ZNF250: variants seen among roughly 807,000 people sequenced by gnomAD.
ZNF250 encodes the protein zinc finger protein (clone 647).
ZNF250 carries 13 observed loss-of-function variants against 37.1 expected under a neutral mutation model. That is an observed-to-expected ratio of 0.35 (90% CI 0.23 to 0.56). The LOEUF is 0.56. ZNF250 is among the 20% of genes least tolerant of loss of function. The pLI, the probability that ZNF250 is intolerant of heterozygous loss-of-function variation, is 0.87. For missense variants in ZNF250, 474 were observed against 697.9 expected (o/e 0.68, Z 3.61); for synonymous variants, 251 against 265.6 (o/e 0.94, Z 0.54).
Position 144,880,058 on chromosome 8 carries a change from C to T in ZNF250, c.*1457G>A, listed in dbSNP as rs1232205632. 2 of 129,894 alleles carry T rather than the reference C, an allele frequency of 1.5e-5. No homozygotes were observed. Among genetic ancestry groups the T allele is most frequent in the Non-Finnish European group, 3.1e-5 (2 of 65,448 alleles). 8.0% of individuals were successfully genotyped at this position (129,894 alleles called of 1,614,324 possible). A position where few individuals can be genotyped will look rare whatever the true frequency, so the allele number is the denominator to read the frequency against. On this transcript the variant is annotated 3_prime_UTR_variant, in exon 6 of 6. Transcript: ENST00000417550. ...TTCAGCCTGGGGAACAAGAGCAAGA[C>T]TTTGTCTCAAAAAAAAAAAAAAAAG...
In ZNF250 at chr8:144,880,377, C is replaced by T. The variant is rs556509954; in HGVS notation, c.*1138G>A. ...AAGAGGTACCCACTTGGTGTAACAG[C>T]TATGAGGTCTGCTGAGTGTGAAGCT... On this transcript the variant is annotated 3_prime_UTR_variant, in exon 6 of 6. Transcript: ENST00000417550. 6 of 456,496 alleles carry T rather than the reference C, an allele frequency of 1.3e-5. No individual in the cohort carries two copies. Among genetic ancestry groups the T allele is most frequent in the African/African-American group, 6.0e-5 (3 of 50,186 alleles). The allele number at this position is 456,496 out of a possible 1,614,324, so 28.3% of individuals were successfully genotyped here.
chr8:144,896,998 A>G (rs961427612), intron 1 of ZNF250, among the ~76,000 whole-genome samples: 1 of 152,238 alleles, frequency 6.6e-6, no homozygotes, highest in Non-Finnish European at 1.5e-5. Flanking sequence ...CAAAAACAAT[A>G]GATCAACGTT....
intron 5 of ZNF250, among the ~76,000 whole-genome samples, chr8:144,885,372 C>T (rs146503315): frequency 0.038 from 5,797 of 152,278 alleles, 164 homozygotes; most frequent in Non-Finnish European, 0.062. Flanking sequence ...CCATCTGCCT[C>T]GGCCTCCCAA....
At position 144,901,268 on chromosome 8, in the gene ZNF250, G is replaced by C. The variant is rs1181615185; in HGVS notation, c.-55+131C>G. ...CCGCCGCGCGTCCGTGAGGGGAGGGGACCAGCGTAAACGCAGGAGGCAGTG... is the reference window on the plus strand; with the variant it reads ...CCGCCGCGCGTCCGTGAGGGGAGGGCACCAGCGTAAACGCAGGAGGCAGTG... On this transcript the variant is annotated intron_variant, in intron 1 of 5. Transcript: ENST00000417550. The surrounding 1 kb of genome is among the most constrained non-coding windows in gnomAD (Gnocchi z 5.4). 6.6e-6 allele frequency: 1 copy of C among 152,482 alleles called. No individual in the cohort carries two copies. 9.4% of individuals were successfully genotyped at this position (152,482 alleles called of 1,614,324 possible).
At chr8:144,898,252 G>A (rs902920034) in intron 1 of ZNF250, among the ~76,000 whole-genome samples, 20 of 151,920 alleles carry the variant, frequency 1.3e-4, no homozygotes, top group African/African-American at 4.6e-4. Context: ...AGCCAAGATC[G>A]CGCCATTGCA....
chr8:144,896,409 G>C (rs1418367342), intron 1 of ZNF250, among the ~76,000 whole-genome samples: 1 of 151,900 alleles, frequency 6.6e-6, no homozygotes, highest in Non-Finnish European at 1.5e-5. Flanking sequence ...TTTTAAAAGT[G>C]GTATTAACTA....
chr8:144,893,565 A>G (rs1202247748), intron 1 of ZNF250, among the ~76,000 whole-genome samples: 1 of 152,126 alleles, frequency 6.6e-6, no homozygotes, highest in Non-Finnish European at 1.5e-5. Flanking sequence ...CCCTGAGCTC[A>G]AGTGATATGC....
In ZNF250 at chr8:144,882,214, G is replaced by A. The variant is rs1287039236; in HGVS notation, c.969C>T (p.Ser323=). The A allele has an allele frequency of 2.5e-6, 4 of 1,613,950 alleles. No individual in the cohort carries two copies. In the Admixed American group the frequency reaches 6.7e-5, roughly 27 times the overall value. ...KAFNHSTVLR[S]HQRVHTGEKP... ...TCTCCCCAGTGTGTACCCTCTGGTGGCTCCGCAGAACAGTGCTATGGTTGA... is the reference window on the plus strand; with the variant it reads ...TCTCCCCAGTGTGTACCCTCTGGTGACTCCGCAGAACAGTGCTATGGTTGA... The change falls in exon 6 of 6, where the codon AGC becomes AGT. Residue 323 remains serine, a synonymous_variant. Coordinates refer to ENST00000417550, the MANE Select transcript of ZNF250 (RefSeq NM_001109689.4). The surrounding 1 kb of genome is among the most constrained non-coding windows in gnomAD (Gnocchi z 5.5).
chr8:144,884,628 C>T (rs1024773475), intron 5 of ZNF250, among the ~76,000 whole-genome samples: 12 of 152,290 alleles, frequency 7.9e-5, no homozygotes, highest in African/African-American at 2.6e-4. Context: ...CTGGTGCTTA[C>T]ACACAAATGT....
chr8:144,900,017 A>G (rs1338393401), intron 1 of ZNF250, among the ~76,000 whole-genome samples: 2 of 152,264 alleles, frequency 1.3e-5, no homozygotes, highest in Non-Finnish European at 2.9e-5. Context: ...ATCAAACACC[A>G]TAATCAGAGT....
Position 144,878,389 on chromosome 8 carries a change from T to G in ZNF250, c.*3126A>C, listed in dbSNP as rs1831253758. On this transcript the variant is annotated 3_prime_UTR_variant, in exon 6 of 6. Transcript: ENST00000417550. ...TGTGATCTCAACTCCAGTGAACAAC[T>G]CAGTTATTTCATCTCCTTTCTAAAG... 6.6e-6 allele frequency: 1 copy of G among 152,208 alleles called. No homozygotes were observed. Among genetic ancestry groups the G allele is most frequent in the South Asian group, 2.1e-4 (1 of 4,836 alleles). 9.4% of individuals were successfully genotyped at this position (152,208 alleles called of 1,614,324 possible).
chr8:144,899,618 C>T (rs545807841), intron 1 of ZNF250, among the ~76,000 whole-genome samples: 6 of 152,302 alleles, frequency 3.9e-5, no homozygotes, highest in South Asian at 2.1e-4. Context: ...AAAAGCAGAG[C>T]TCCACAGATC....
rs1277603819 is a variant in ZNF250 at position 144,891,681 on chromosome 8, C to T, written c.-54-1278G>A. 1.3e-5 allele frequency among the ~76,000 whole-genome samples: 2 copies of T among 152,152 alleles called. No homozygotes were observed. Among genetic ancestry groups the T allele is most frequent in the Admixed American group, 6.5e-5 (1 of 15,268 alleles). ...AGCCATGACCAACATGGGGAAACCC[C>T]GTCTCTACTAAAAACACAAAATTAG... On this transcript the variant is annotated intron_variant, in intron 1 of 5. Transcript: ENST00000417550. This position sits in a 1 kb window ranked among gnomAD's most constrained non-coding sequence, Gnocchi z 4.0.
chr8:144,884,011 G>A (rs2129710855), intron 5 of ZNF250, among the ~76,000 whole-genome samples: 1 of 152,274 alleles, frequency 6.6e-6, no homozygotes, highest in Admixed American at 6.5e-5. Flanking sequence ...CCAAAGTGCT[G>A]GGAGTACAGG....
chr8:144,882,787 T>C lies in ZNF250; in HGVS notation c.396A>G (p.Pro132=), dbSNP rs201154149. ...GAATCACTGTTTGCTCTGAAATTAATGGCTTCGGACTCAAGTCTGTATTTT... is the reference window on the plus strand; with the variant it reads ...GAATCACTGTTTGCTCTGAAATTAACGGCTTCGGACTCAAGTCTGTATTTT... ...ESQNTDLSPK[P]LISEQTVILG... Residue 132 remains proline, a synonymous_variant, in exon 6 of 6, where the codon CCA becomes CCG. Transcript: ENST00000417550. This position sits in a 1 kb window ranked among gnomAD's most constrained non-coding sequence, Gnocchi z 5.5. The C allele has an allele frequency of 1.5e-4, 239 of 1,613,912 alleles. 5 individuals are homozygous for C. In the East Asian group the frequency reaches 5.2e-3, roughly 35 times the overall value.
rs56677445 is a variant in ZNF250 at position 144,887,252 on chromosome 8, C to CAAAAA, written c.284-355_284-351dup. On this transcript the variant is annotated intron_variant, in intron 4 of 5. Coordinates refer to ENST00000417550, the MANE Select transcript of ZNF250 (RefSeq NM_001109689.4). ...GGGGACAGAGTGAAACTCCGTCTCT[C>CAAAAA]AAAAAAAAAAAAAAAAAAAAAAAAA... Among the ~76,000 whole-genome samples the CAAAAA allele has an allele frequency of 7.7e-3, 488 of 63,058 alleles. 34 individuals are homozygous for CAAAAA. The highest frequency in any genetic ancestry group is 0.035 in the African/African-American group (467 of 13,202). 41.4% of individuals were successfully genotyped at this position (63,058 alleles called of 152,430 possible). A position where few individuals can be genotyped will look rare whatever the true frequency, so the allele number is the denominator to read the frequency against.
chr8:144,877,827 AT>A lies in ZNF250; in HGVS notation c.*3687del, dbSNP rs1297738511. 1 of 152,278 alleles carries A rather than the reference AT, an allele frequency of 6.6e-6. No homozygotes were observed. Among genetic ancestry groups the A allele is most frequent in the East Asian group, 1.9e-4 (1 of 5,204 alleles). 9.4% of individuals were successfully genotyped at this position (152,278 alleles called of 1,614,324 possible). ...AAACCCTAGGTTATTGGAATCCAGA[AT>A]AACTTGTACTGTGTAACTTACGTTG... On this transcript the variant is annotated 3_prime_UTR_variant, in exon 6 of 6. Transcript: ENST00000417550.
Position 144,882,457 on chromosome 8 carries a change from T to G in ZNF250, c.726A>C (p.Arg242Ser). The part of the protein sequence containing the change: ...SQSSVLSKHR[R>S]IHTGEKPYEC... The stretch of plus-strand genomic sequence containing the variant: ...CATAGGGCTTCTCACCTGTGTGAAT[T>G]CTCCTGTGTTTACTAAGGACTGAGC... The change falls in exon 6 of 6, where the codon AGA (arginine) becomes AGC (serine). Residue 242 changes from arginine to serine, a missense_variant. Transcript: ENST00000417550. This position sits in a 1 kb window ranked among gnomAD's most constrained non-coding sequence, Gnocchi z 5.5. 1 of 1,613,298 alleles carries G rather than the reference T, an allele frequency of 6.2e-7. No homozygotes were observed. Among genetic ancestry groups the G allele is most frequent in the Non-Finnish European group, 8.5e-7 (1 of 1,179,816 alleles).
intron 4 of ZNF250, among the ~76,000 whole-genome samples, chr8:144,888,609 A>G (rs953977873): frequency 6.6e-6 from 1 of 151,916 alleles, no homozygotes; most frequent in Non-Finnish European, 1.5e-5. Flanking sequence ...AAAAAAAAAA[A>G]AAAAAAAAAA....
Sources: gnomAD v4.1 joint callset for allele counts (sites outside exome capture counted in the v4.1 genomes callset) on GRCh38, gnomAD v4.1.1 for gene constraint, Gnocchi (gnomAD v3.1) non-coding constraint, MANE v1.5 for transcripts, NCBI Gene and HGNC (gene_info 2026-07-23, HGNC 2026-07-21) for gene names.